The following RELN variants were observed in gnomAD, a reference collection of about 807,000 sequenced individuals.
RELN encodes the protein reelin.
RELN carries 108 observed loss-of-function variants against 427.6 expected under a neutral mutation model. That is an observed-to-expected ratio of 0.25 (90% CI 0.22 to 0.30). The LOEUF (loss-of-function observed/expected upper bound fraction) is 0.30. RELN is among the 10% of genes least tolerant of loss of function. RELN has a pLI of 1.00. For synonymous variants in RELN, 1,524 were observed against 1,513.4 expected (o/e 1.01, Z -0.16); for missense variants, 3,715 against 4,302.8 (o/e 0.86, Z 3.82).
chr7:103,905,668 T>C (rs1486429714), intron 2 of RELN, among the ~76,000 whole-genome samples: 1 of 151,898 alleles, frequency 6.6e-6, no homozygotes, highest in Admixed American at 6.6e-5. Context: ...GCACTGGTAA[T>C]GTGCCACAGG....
rs779530655 is a variant in RELN at position 103,661,438 on chromosome 7, T to C, written c.1379A>G (p.Lys460Arg). Reference protein sequence around the residue: ...SMVFLKDGERKLCTPSMDTTG... With the variant: ...SMVFLKDGERRLCTPSMDTTG... ...AGTGTCCATGGATGGAGTGCATAAT[T>C]TCCTCTCTCCATCTTTGAGGAAGAC... is the stretch of plus-strand genomic sequence containing the variant. Residue 460 changes from lysine (K) to arginine (R), a missense_variant, in exon 12 of 65, where the codon AAA becomes AGA. By Grantham distance (26) the Lys-to-Arg change is conservative. Transcript: ENST00000428762. 1 of 1,613,822 alleles carries C rather than the reference T, an allele frequency of 6.2e-7. No homozygotes were observed. Among genetic ancestry groups the C allele is most frequent in the East Asian group, 2.2e-5 (1 of 44,818 alleles).
chr7:103,803,193 T>G (rs1792511560), intron 3 of RELN, among the ~76,000 whole-genome samples: 1 of 152,102 alleles, frequency 6.6e-6, no homozygotes, highest in Non-Finnish European at 1.5e-5. Flanking sequence ...TTACTCCTAC[T>G]CAAACTTACT....
chr7:103,740,417 T>C (rs1327647735), intron 6 of RELN, among the ~76,000 whole-genome samples: 3 of 152,170 alleles, frequency 2.0e-5, no homozygotes. Flanking sequence ...ACTGCTTATA[T>C]TTTTGGATTA....
chr7:103,507,487 G>C (rs966097995), intron 51 of RELN, among the ~76,000 whole-genome samples: 6 of 152,144 alleles, frequency 3.9e-5, no homozygotes, highest in African/African-American at 1.4e-4. Context: ...AAACCAATGA[G>C]AACAAAGACA....
At chr7:103,810,411 G>C (rs560152461) in intron 3 of RELN, among the ~76,000 whole-genome samples, 2 of 152,004 alleles carry the variant, frequency 1.3e-5, no homozygotes, top group Non-Finnish European at 2.9e-5. Flanking sequence ...CAATCATCAC[G>C]ACCTAAAGTT....
chr7:103,858,583 T>C (rs1793999671), intron 2 of RELN, among the ~76,000 whole-genome samples: 1 of 152,136 alleles, frequency 6.6e-6, no homozygotes, highest in South Asian at 2.1e-4. Flanking sequence ...ATATTATGAA[T>C]CCTAAACATC....
intron 8 of RELN, among the ~76,000 whole-genome samples, chr7:103,715,165 G>A (rs1419604552): frequency 6.6e-6 from 1 of 152,154 alleles, no homozygotes; most frequent in Non-Finnish European, 1.5e-5. Context: ...GGACAATGCT[G>A]TATGGGGGAA....
chr7:103,987,689 G>T (rs760697656), intron 1 of RELN, among the ~76,000 whole-genome samples: 4 of 152,130 alleles, frequency 2.6e-5, no homozygotes, highest in Non-Finnish European at 4.4e-5. Context: ...CACAGTAGCT[G>T]CTCCTTCCAC....
At chr7:103,493,767 G>A (rs571530392) in intron 57 of RELN, among the ~76,000 whole-genome samples, 1 of 152,240 alleles carries the variant, frequency 6.6e-6, no homozygotes, top group South Asian at 2.1e-4. Context: ...GTTGAAGAGG[G>A]CAAGAATAAC....
intron 63 of RELN, 35 bp downstream of exon 63, chr7:103,482,838 A>T: frequency 6.2e-7 from 1 of 1,614,064 alleles, no homozygotes; most frequent in Middle Eastern, 1.6e-4. Context: ...AACCTTCCTG[A>T]AATGGACATG....
intron 1 of RELN, among the ~76,000 whole-genome samples, chr7:103,929,358 GGAATAACCTTGGTGAAAGAAGGT>G (rs1795811913): frequency 6.6e-6 from 1 of 151,994 alleles, no homozygotes; most frequent in Admixed American, 6.6e-5. Context: ...CTTTTCATTT[GGAATAACCTTGGTGAAAGAAGGT>G]GAATAACCTT....
intron 25 of RELN, 30 bp downstream of exon 25, chr7:103,596,426 T>G: frequency 6.4e-7 from 1 of 1,566,708 alleles, no homozygotes; most frequent in Non-Finnish European, 8.8e-7. Flanking sequence ...TCCTGGAAAC[T>G]AATGCGAGGA....
intron 3 of RELN, among the ~76,000 whole-genome samples, chr7:103,802,380 G>T (rs1042957303): frequency 4.6e-5 from 7 of 152,056 alleles, no homozygotes; most frequent in African/African-American, 1.7e-4. Flanking sequence ...TTACTGAAAA[G>T]GTGTATTAGG....
intron 41 of RELN, among the ~76,000 whole-genome samples, chr7:103,549,676 T>C (rs1344459139): frequency 6.6e-6 from 1 of 152,210 alleles, no homozygotes; most frequent in Non-Finnish European, 1.5e-5. Flanking sequence ...GATGTTAATG[T>C]GAACACAATA....
At chr7:103,926,934 C>T (rs1383481513) in intron 1 of RELN, among the ~76,000 whole-genome samples, 2 of 152,126 alleles carry the variant, frequency 1.3e-5, no homozygotes, top group African/African-American at 2.4e-5. Flanking sequence ...CGTGAGCCAC[C>T]GTGCCCAGCC....
chr7:103,811,393 C>T (rs1792740372), intron 3 of RELN, among the ~76,000 whole-genome samples: 1 of 152,176 alleles, frequency 6.6e-6, no homozygotes, highest in Admixed American at 6.5e-5. Flanking sequence ...TAACCTAACT[C>T]ACACCCACAT....
Position 103,806,618 on chromosome 7 carries a change from C to T in RELN, c.473+26919G>A, listed in dbSNP as rs541395567. The stretch of plus-strand genomic sequence containing the variant: ...GGGATTACAGGTGTGAGCCACCATG[C>T]CCGGCCATAAGCACTTCTTATGGAA... On this transcript the variant is annotated intron_variant, in intron 3 of 64. Transcript: ENST00000428762. 1.2e-3 allele frequency among the ~76,000 whole-genome samples: 187 copies of T among 152,274 alleles called. 3 individuals carry two copies. Among genetic ancestry groups the T allele is most frequent in the Admixed American group, 2.3e-3 (35 of 15,290 alleles).
At chr7:103,676,749 T>A (rs1833534778) in intron 11 of RELN, among the ~76,000 whole-genome samples, 1 of 151,738 alleles carries the variant, frequency 6.6e-6, no homozygotes, top group African/African-American at 2.4e-5. Context: ...GGGACACGGA[T>A]GAAACTGGAA....
intron 3 of RELN, among the ~76,000 whole-genome samples, chr7:103,779,546 C>T (rs1791834042): frequency 6.6e-6 from 1 of 152,130 alleles, no homozygotes; most frequent in Non-Finnish European, 1.5e-5. Context: ...AGAGCTACTG[C>T]ATGATTTACA....
Sources: gnomAD v4.1 joint callset for allele counts (sites outside exome capture counted in the v4.1 genomes callset) on GRCh38, gnomAD v4.1.1 for gene constraint, MANE v1.5 for transcripts, NCBI Gene and HGNC (gene_info 2026-07-23, HGNC 2026-07-21) for gene names.